Variants in CADPS2 observed in about 807,000 individuals in gnomAD.
CADPS2 encodes calcium-dependent secretion activator 2.
Under a neutral mutation model 172.5 loss-of-function variants are expected in CADPS2, and 93 were observed. The ratio of observed to expected loss-of-function variants is 0.54; its 90% CI spans 0.46 to 0.64. The LOEUF (loss-of-function observed/expected upper bound fraction) is 0.64, where lower values mean the gene tolerates loss of function less well. Among genes scored for constraint, CADPS2 ranks in the 30% least tolerant of loss-of-function variants. The pLI, the probability that CADPS2 is intolerant of heterozygous loss-of-function variation, is 0.00. For synonymous variants in CADPS2, 546 were observed against 555.2 expected, an observed-to-expected ratio of 0.98 and a Z score of 0.23; for missense variants, 1,420 against 1,565.9, an observed-to-expected ratio of 0.91 and a Z score of 1.57.
Position 122,626,847 on chromosome 7 carries a change from C to G in CADPS2, c.867+2401G>C, listed in dbSNP as rs191280780. On this transcript the variant is annotated intron_variant, in intron 4 of 29. Transcript: ENST00000449022. ...GCCTACTATTATGTTTAGAAAATAGCTATCATGAATTTGGTCACAGGTCTT... is the reference window on the plus strand; with the variant it reads ...GCCTACTATTATGTTTAGAAAATAGGTATCATGAATTTGGTCACAGGTCTT... 2.9e-3 allele frequency among the ~76,000 whole-genome samples: 449 copies of G among 152,300 alleles called. 2 individuals are homozygous for G. Among genetic ancestry groups the G allele is most frequent in the African/African-American group, 9.8e-3 (409 of 41,560 alleles).
intron 1 of CADPS2, among the ~76,000 whole-genome samples, chr7:122,816,776 G>A (rs908416052): frequency 4.2e-4 from 64 of 152,250 alleles, no homozygotes; most frequent in African/African-American, 1.5e-3. Flanking sequence ...CCTGTGACTT[G>A]CACGTATATG....
At chr7:122,496,126 T>C (rs2058712437) in intron 9 of CADPS2, among the ~76,000 whole-genome samples, 1 of 152,176 alleles carries the variant, frequency 6.6e-6, no homozygotes, top group South Asian at 2.1e-4. Context: ...TTCTGCCATC[T>C]TTCTTATCTC....
At chr7:122,406,933 AAC>A (rs940433819) in intron 20 of CADPS2, among the ~76,000 whole-genome samples, 5 of 152,196 alleles carry the variant, frequency 3.3e-5, no homozygotes, top group African/African-American at 1.2e-4. Flanking sequence ...CTTGATAAAA[AAC>A]AGTTTGTTTT....
intron 27 of CADPS2, among the ~76,000 whole-genome samples, chr7:122,347,298 AG>A (rs931031754): frequency 3.4e-4 from 52 of 151,724 alleles, no homozygotes; most frequent in Non-Finnish European, 6.6e-4. Flanking sequence ...TTTTTTTTGG[AG>A]GGGGCATATT....
intron 17 of CADPS2, among the ~76,000 whole-genome samples, chr7:122,435,211 A>G (rs1379289060): frequency 6.6e-6 from 1 of 152,214 alleles, no homozygotes; most frequent in African/African-American, 2.4e-5. Context: ...CAAAATTAAA[A>G]AGGCAATGTA....
rs191165618 is a variant in CADPS2 at position 122,653,035 on chromosome 7, T to C, written c.786+10202A>G. 3.7e-4 allele frequency among the ~76,000 whole-genome samples: 57 copies of C among 152,262 alleles called. No individual in the cohort carries two copies. The East Asian group carries it at 6.0e-3, about 16-fold the overall frequency. ...CCACTCCTGATGCTAATCCTGAAGC[T>C]CTGGAACAAAGGATATTACCAAACG... On this transcript the variant is annotated intron_variant, in intron 3 of 29. Transcript: ENST00000449022.
chr7:122,645,393 G>GTA (rs1245815541), intron 3 of CADPS2, among the ~76,000 whole-genome samples: 1 of 54,802 alleles, frequency 1.8e-5, no homozygotes, highest in African/African-American at 5.4e-5. Flanking sequence ...ACATGTGTGT[G>GTA]TATATATGTA....
At chr7:122,762,724 G>A (rs919847963) in intron 1 of CADPS2, among the ~76,000 whole-genome samples, 2 of 152,114 alleles carry the variant, frequency 1.3e-5, no homozygotes, top group Non-Finnish European at 2.9e-5. Context: ...CAAGATGACA[G>A]AAGAGATCTT....
intron 3 of CADPS2, among the ~76,000 whole-genome samples, chr7:122,653,654 A>G (rs1478589441): frequency 6.6e-6 from 1 of 152,190 alleles, no homozygotes; most frequent in African/African-American, 2.4e-5. Flanking sequence ...GCAAGTCTAT[A>G]GGTGCTATTT....
intron 1 of CADPS2, among the ~76,000 whole-genome samples, chr7:122,847,559 T>A (rs1050657142): frequency 6.6e-6 from 1 of 152,188 alleles, no homozygotes. Flanking sequence ...TATATAAAAA[T>A]GGCCAAAACA....
chr7:122,591,960 T>C (rs957486927), intron 6 of CADPS2, among the ~76,000 whole-genome samples: 22 of 151,834 alleles, frequency 1.4e-4, no homozygotes, highest in Non-Finnish European at 2.6e-4. Context: ...ACAAAAGCAA[T>C]GGCAACAAAA....
At chr7:122,870,302 T>C (rs1819423072) in intron 1 of CADPS2, among the ~76,000 whole-genome samples, 1 of 151,918 alleles carries the variant, frequency 6.6e-6, no homozygotes, top group Admixed American at 6.6e-5. Flanking sequence ...AGTGCAGGGG[T>C]AGCTATACAT....
intron 6 of CADPS2, among the ~76,000 whole-genome samples, chr7:122,608,000 C>T (rs1477612958): frequency 3.3e-5 from 5 of 151,964 alleles, no homozygotes; most frequent in Non-Finnish European, 7.4e-5. Context: ...GGGTGGATCA[C>T]GAGGTCAAGA....
chr7:122,428,625 G>A (rs970220156), intron 17 of CADPS2, among the ~76,000 whole-genome samples: 24 of 151,792 alleles, frequency 1.6e-4, no homozygotes, highest in African/African-American at 5.8e-4. Flanking sequence ...GCACCACTAT[G>A]CCTGGCTAAG....
intron 15 of CADPS2, among the ~76,000 whole-genome samples, chr7:122,442,901 A>G (rs551741556): frequency 7.2e-5 from 11 of 152,320 alleles, no homozygotes; most frequent in African/African-American, 2.6e-4. Flanking sequence ...GAAAGCCATA[A>G]CCAATTTATT....
chr7:122,536,147 T>C (rs1365371314), intron 8 of CADPS2, among the ~76,000 whole-genome samples: 1 of 152,176 alleles, frequency 6.6e-6, no homozygotes, highest in African/African-American at 2.4e-5. Context: ...AGACAAATGA[T>C]ATCCTTTTGC....
chr7:122,470,825 T>C (rs117596663), intron 14 of CADPS2, among the ~76,000 whole-genome samples: 2,566 of 152,226 alleles, frequency 0.017, 33 homozygotes, highest in Middle Eastern at 0.051. Flanking sequence ...AGGCCAGAGA[T>C]AGACAACTGT....
intron 9 of CADPS2, among the ~76,000 whole-genome samples, chr7:122,504,214 C>A (rs1275315600): frequency 1.3e-5 from 2 of 152,058 alleles, no homozygotes; most frequent in Non-Finnish European, 2.9e-5. Context: ...ATAGACCTTA[C>A]AGGATTTTGA....
rs1384980018 is a variant in CADPS2, at chr7:122,820,222, A to G, written c.339+65777T>C. On this transcript the variant is annotated intron_variant, in intron 1 of 29. Transcript: ENST00000449022. ...GCACCCTTAATCCCAGCCTCTCTTCACTTTCACTTGGACTGACCCTGACAG... is the reference window on the plus strand; with the variant it reads ...GCACCCTTAATCCCAGCCTCTCTTCGCTTTCACTTGGACTGACCCTGACAG... 4.6e-5 allele frequency among the ~76,000 whole-genome samples: 7 copies of G among 152,132 alleles called. No homozygotes were observed. The East Asian group carries it at 1.4e-3, about 29-fold the overall frequency.
Sources: gnomAD v4.1 joint callset for allele counts (sites outside exome capture counted in the v4.1 genomes callset) on GRCh38, gnomAD v4.1.1 for gene constraint, MANE v1.5 for transcripts, NCBI Gene and HGNC (gene_info 2026-07-23, HGNC 2026-07-21) for gene names.